Variants in BICC1 observed in about 807,000 individuals in gnomAD.
The protein encoded by BICC1 is BicC family RNA binding protein 1.
Under a neutral mutation model 111.0 loss-of-function variants are expected in BICC1, and 43 were observed. The observed-to-expected ratio is 0.39, with a 90% CI of 0.30 to 0.50. BICC1 has a LOEUF of 0.50. BICC1 is among the 20% of genes least tolerant of loss of function. BICC1 has a pLI of 0.88. For missense variants in BICC1, 1,091 were observed against 1,203.2 expected (o/e 0.91, Z 1.38); for synonymous variants, 467 against 434.4 (o/e 1.07, Z -0.93).
At chr10:58,729,031 G>A (rs1841203667) in intron 3 of BICC1, among the ~76,000 whole-genome samples, 1 of 152,140 alleles carries the variant, frequency 6.6e-6, no homozygotes, top group Non-Finnish European at 1.5e-5. Flanking sequence ...AATTCTTGAG[G>A]ATTCTGGGAT....
Position 58,540,767 on chromosome 10 carries a change from C to T in BICC1, c.190+27434C>T, listed in dbSNP as rs569896928. Among the ~76,000 whole-genome samples the T allele has an allele frequency of 2.6e-5, 4 of 152,156 alleles. No individual in the cohort carries two copies. The South Asian group carries it at 8.3e-4, about 32-fold the overall frequency. ...TTGCAAACTCATTCTACAAGGTCAA[C>T]ATTACTCTGATACCAAAACCAGGAT... On this transcript the variant is annotated intron_variant, in intron 1 of 20. Transcript: ENST00000373886.
chr10:58,595,452 C>A (rs945834824), intron 1 of BICC1, among the ~76,000 whole-genome samples: 2 of 152,076 alleles, frequency 1.3e-5, no homozygotes, highest in Non-Finnish European at 2.9e-5. Context: ...TAAAATTGAC[C>A]ATGTAATTGG....
chr10:58,717,659 G>C (rs984231355), intron 3 of BICC1, among the ~76,000 whole-genome samples: 1 of 152,172 alleles, frequency 6.6e-6, no homozygotes. Context: ...CAACAGATTT[G>C]ATGACATTGG....
chr10:58,666,481 C>T (rs546369904), intron 2 of BICC1, among the ~76,000 whole-genome samples: 15 of 152,250 alleles, frequency 9.9e-5, no homozygotes, highest in African/African-American at 3.6e-4. Context: ...ATGTTCTTTT[C>T]CTTCAGCCAG....
chr10:58,606,673 G>A (rs1020847110), intron 1 of BICC1, among the ~76,000 whole-genome samples: 1 of 152,040 alleles, frequency 6.6e-6, no homozygotes, highest in African/African-American at 2.4e-5. Flanking sequence ...AATCGCCTGT[G>A]ACTTGTTTTT....
At chr10:58,512,682 G>GT (rs1473513447), upstream of BICC1, among the ~76,000 whole-genome samples, 1 of 152,070 alleles carries the variant, frequency 6.6e-6, no homozygotes, top group Non-Finnish European at 1.5e-5. Flanking sequence ...ATTTATACGT[G>GT]TAAGTGCAGA....
intron 2 of BICC1, among the ~76,000 whole-genome samples, chr10:58,701,868 T>A (rs1840246651): frequency 6.6e-6 from 1 of 152,152 alleles, no homozygotes; most frequent in Admixed American, 6.5e-5. Context: ...CAAAATATAT[T>A]TGAATATTTC....
chr10:58,549,846 C>T (rs981603633), intron 1 of BICC1, among the ~76,000 whole-genome samples: 30 of 151,282 alleles, frequency 2.0e-4, no homozygotes, highest in African/African-American at 4.4e-4. Context: ...CCATTGTGCC[C>T]GGCTAATTTT....
At chr10:58,700,811 C>A (rs574844338) in intron 2 of BICC1, among the ~76,000 whole-genome samples, 3 of 152,242 alleles carry the variant, frequency 2.0e-5, no homozygotes, top group Non-Finnish European at 4.4e-5. Context: ...TCAGTGCCAG[C>A]CAAGCATTGC....
rs968923299 is a variant in BICC1, at chr10:58,775,044, G to A, written c.308-9957G>A. Among the ~76,000 whole-genome samples, 56 of 152,078 alleles carry A rather than the reference G, an allele frequency of 3.7e-4. 1 individual carries two copies. Among genetic ancestry groups the A allele is most frequent in the African/African-American group, 1.4e-3 (56 of 41,414 alleles). ...TGCCTTCTTGCTTTTAGAAAAAACAGTTTTAAAGGACTAAGCTCAAAATTT... is the reference window on the plus strand; with the variant it reads ...TGCCTTCTTGCTTTTAGAAAAAACAATTTTAAAGGACTAAGCTCAAAATTT... On this transcript the variant is annotated intron_variant, in intron 3 of 20. Coordinates refer to ENST00000373886, the MANE Select transcript of BICC1 (RefSeq NM_001080512.3).
At chr10:58,703,021 A>G (rs1340781986) in intron 3 of BICC1, among the ~76,000 whole-genome samples, 2 of 152,258 alleles carry the variant, frequency 1.3e-5, no homozygotes, top group East Asian at 3.9e-4. Flanking sequence ...TTCCTTTCTT[A>G]CTTCAGTCCA....
intron 2 of BICC1, among the ~76,000 whole-genome samples, chr10:58,697,112 A>G (rs557275473): frequency 6.6e-6 from 1 of 152,308 alleles, no homozygotes; most frequent in East Asian, 1.9e-4. Context: ...TCAGCGTCAT[A>G]TTTTGGGTGG....
At position 58,801,045 on chromosome 10, in the gene BICC1, C is replaced by G. The variant is rs375595338; in HGVS notation, c.2014C>G (p.His672Asp). The change falls in exon 14 of 21, where the codon CAC becomes GAC. Residue 672 changes from histidine to aspartate, a missense_variant and splice_region_variant. Around this residue, in one of 3 missense-constraint regions of BICC1, gnomAD observed 843 missense variants for 900.8 expected, o/e 0.94. Transcript: ENST00000373886. Reference protein sequence around the residue: ...LLQGTKNSHLHSTDRLLSDPE... With the variant: ...LLQGTKNSHLDSTDRLLSDPE... ...GCAAGGCACGAAAAACTCACACTTA[C>G]AGTATGTATTTTAATCTTTAAAGAG... 2.5e-6 allele frequency: 4 copies of G among 1,597,012 alleles called. No individual in the cohort carries two copies. In the African/African-American group the frequency reaches 5.4e-5, roughly 22 times the overall value.
At chr10:58,516,336 G>A (rs961756408) in intron 1 of BICC1, among the ~76,000 whole-genome samples, 2 of 152,066 alleles carry the variant, frequency 1.3e-5, no homozygotes, top group South Asian at 2.1e-4. Context: ...ATTCTTCTAC[G>A]CAATGGACCA....
chr10:58,729,802 G>A (rs1266972075), intron 3 of BICC1, among the ~76,000 whole-genome samples: 1 of 152,116 alleles, frequency 6.6e-6, no homozygotes, highest in African/African-American at 2.4e-5. Flanking sequence ...CTATTGTGAC[G>A]ACAGTACCAA....
At chr10:58,728,362 C>T (rs953435447) in intron 3 of BICC1, among the ~76,000 whole-genome samples, 46 of 152,132 alleles carry the variant, frequency 3.0e-4, no homozygotes, top group African/African-American at 9.2e-4. Context: ...ATGTTCTTTG[C>T]TTATCCATTA....
At chr10:58,777,862 C>T (rs1589129519) in intron 3 of BICC1, among the ~76,000 whole-genome samples, 2 of 152,220 alleles carry the variant, frequency 1.3e-5, no homozygotes, top group East Asian at 3.9e-4. Flanking sequence ...TGTTTTTGCA[C>T]TGCTTGCTGT....
At chr10:58,820,015 TATAAAG>T (rs1458235913) in intron 19 of BICC1, among the ~76,000 whole-genome samples, 5 of 152,184 alleles carry the variant, frequency 3.3e-5, no homozygotes, top group East Asian at 3.8e-4. Flanking sequence ...AGTTTCTTCT[TATAAAG>T]ATAAAGATAC....
chr10:58,715,477 A>C (rs1245701036), intron 3 of BICC1: 1 of 815,156 alleles, frequency 1.2e-6, no homozygotes, highest in Non-Finnish European at 2.1e-6. Flanking sequence ...CGGCAAGAGG[A>C]CCTGTGGCAG....
Sources: allele counts gnomAD v4.1 joint callset (sites outside exome capture counted in the v4.1 genomes callset), GRCh38; gene constraint gnomAD v4.1.1; regional missense constraint gnomAD v4.1.1; transcripts MANE v1.5; gene names NCBI Gene and HGNC (gene_info 2026-07-23, HGNC 2026-07-21).